Variants in SPTB observed in about 807,000 individuals in gnomAD.
SPTB encodes the protein spectrin beta chain, erythrocytic.
In SPTB, 45 loss-of-function variants were observed where a neutral mutation model predicts 256.2. The ratio of observed to expected loss-of-function variants is 0.18; its 90% confidence interval spans 0.14 to 0.23. SPTB has a LOEUF of 0.23. Among genes scored for constraint, SPTB ranks in the 10% least tolerant of loss-of-function variants. The pLI is 1.00. For synonymous variants in SPTB, 1,231 were observed against 1,243.1 expected, an observed-to-expected ratio of 0.99 and a Z score of 0.21; for missense variants, 2,715 against 3,040.4, an observed-to-expected ratio of 0.89 and a Z score of 2.52.
Position 64,797,759 on chromosome 14 carries a change from G to C in SPTB, c.1152C>G (p.His384Gln), listed in dbSNP as rs762308704. 6.2e-7 allele frequency: 1 copy of C among 1,613,880 alleles called. No individual in the cohort carries two copies. Among genetic ancestry groups the C allele is most frequent in the South Asian group, 1.1e-5 (1 of 91,074 alleles). ...RANNQKVYTP[H>Q]DGKLVSDINR... Reference sequence around the variant, plus strand: ...TGATGTCAGACACTAGTTTCCCATCGTGGGGTGTGTACACTTTCTGATTGT... The same window carrying C: ...TGATGTCAGACACTAGTTTCCCATCCTGGGGTGTGTACACTTTCTGATTGT... The change falls in exon 10 of 36, where the codon CAC becomes CAG. Residue 384 changes from histidine (H) to glutamine (Q), a missense_variant. Physicochemically the swap from His to Gln is conservative, Grantham distance 24. Around this residue, in one of 4 missense-constraint regions of SPTB, gnomAD observed 416 missense variants for 571.1 expected, o/e 0.73. Coordinates refer to ENST00000644917, the MANE Select transcript of SPTB (RefSeq NM_001355436.2).
intron 1 of SPTB, among the ~76,000 whole-genome samples, chr14:64,828,250 T>C (rs2083403011): frequency 6.7e-6 from 1 of 149,440 alleles, no homozygotes; most frequent in South Asian, 2.1e-4. Flanking sequence ...ACTCTCATCA[T>C]GGAAAAATCT....
At chr14:64,838,085 G>A (rs148387536) in intron 1 of SPTB, among the ~76,000 whole-genome samples, 237 of 152,238 alleles carry the variant, frequency 1.6e-3, no homozygotes, top group East Asian at 0.014. Flanking sequence ...ATATATCAAC[G>A]GAATAGAGTC....
At chr14:64,752,588 G>A (rs1190469979) in intron 33 of SPTB, among the ~76,000 whole-genome samples, 1 of 152,190 alleles carries the variant, frequency 6.6e-6, no homozygotes, top group East Asian at 1.9e-4. Flanking sequence ...AATGTCACAG[G>A]ATTGTTGGGA....
chr14:64,794,737 C>T, intron 12 of SPTB, 120 bp from the exon 13 acceptor site: 1 of 1,318,632 alleles, frequency 7.6e-7, no homozygotes, highest in African/African-American at 1.4e-5. Flanking sequence ...CCAAATGCAG[C>T]CAGAAAAGGG....
At position 64,831,257 on chromosome 14, in the gene SPTB, G is replaced by A. The variant is rs149470578; in HGVS notation, c.-51-8112C>T. The stretch of plus-strand genomic sequence containing the variant: ...CTGCTGCCCATTCCTCAAATCCTGG[G>A]AGAAACATGAATCTCTAGCTTTTTC... On this transcript the variant is annotated intron_variant, in intron 1 of 35. Coordinates refer to ENST00000644917, the MANE Select transcript of SPTB (RefSeq NM_001355436.2). Among the ~76,000 whole-genome samples the A allele has an allele frequency of 6.6e-5, 10 of 152,260 alleles. No homozygotes were observed. In the East Asian group the frequency reaches 1.9e-3, roughly 29 times the overall value.
Position 64,803,372 on chromosome 14 carries a change from A to G in SPTB, c.474+235T>C, listed in dbSNP as rs560550778. The stretch of plus-strand genomic sequence containing the variant: ...TCAACCCAGCTACCAATTAATTTCT[A>G]TCTTCTCCCTGAAAAGACCATACTA... On this transcript the variant is annotated intron_variant, in intron 4 of 35. Coordinates refer to ENST00000644917, the MANE Select transcript of SPTB (RefSeq NM_001355436.2). 2.0e-5 allele frequency among the ~76,000 whole-genome samples: 3 copies of G among 152,318 alleles called. No homozygotes were observed. In the East Asian group the frequency reaches 5.8e-4, roughly 29 times the overall value.
In SPTB at chr14:64,773,345, T is replaced by C. The variant is rs1489168804; in HGVS notation, c.5053A>G (p.Lys1685Glu). 1.2e-6 allele frequency: 2 copies of C among 1,614,118 alleles called. No individual in the cohort carries two copies. Among genetic ancestry groups the C allele is most frequent in the Non-Finnish European group, 1.7e-6 (2 of 1,180,018 alleles). Residue 1685 changes from lysine to glutamate, a missense_variant, in exon 25 of 36, where the codon AAG becomes GAG. Lys to Glu is a moderately conservative substitution (Grantham distance 56, BLOSUM62 1). Around this residue, in one of 4 missense-constraint regions of SPTB, gnomAD observed 2,239 missense variants for 2,384.4 expected, o/e 0.94. Transcript: ENST00000644917. ...AACAGGTGGTACATGTTCTCCAGCT[T>C]GCGCTTGCGCTCTTCCGCCACGTCC... ...LKDVAEERKR[K>E]LENMYHLFQL...
chr14:64,796,234 G>A lies in SPTB; in HGVS notation c.1341+323C>T, dbSNP rs1233688433. ...AAGGCATGCCTGACACAGACAAGGT[G>A]CAGTCTGTGATTTTACCATATCCCC... On this transcript the variant is annotated intron_variant, in intron 11 of 35. Transcript: ENST00000644917. This position sits in a 1 kb window ranked among gnomAD's most constrained non-coding sequence, Gnocchi z 4.1. Among the ~76,000 whole-genome samples, 1 of 152,142 alleles carries A rather than the reference G, an allele frequency of 6.6e-6. No homozygotes were observed. Among genetic ancestry groups the A allele is most frequent in the Non-Finnish European group, 1.5e-5 (1 of 68,034 alleles).
rs1352966304 is a variant in SPTB at position 64,852,705 on chromosome 14, C to T, written c.-52+27087G>A. On this transcript the variant is annotated intron_variant, in intron 1 of 35. Coordinates refer to ENST00000644917, the MANE Select transcript of SPTB (RefSeq NM_001355436.2). The surrounding 1 kb of genome is among the most constrained non-coding windows in gnomAD (Gnocchi z 4.2). ...ATGATTTCTCAAGTGGATGATGGTC[C>T]TATCAACCAAGGTAGTGATTACAAG... Among the ~76,000 whole-genome samples, 2 of 152,126 alleles carry T rather than the reference C, an allele frequency of 1.3e-5. No homozygotes were observed. Among genetic ancestry groups the T allele is most frequent in the Non-Finnish European group, 2.9e-5 (2 of 68,030 alleles).
intron 2 of SPTB, among the ~76,000 whole-genome samples, chr14:64,821,483 G>A (rs1594813329): frequency 1.3e-5 from 2 of 152,250 alleles, no homozygotes; most frequent in South Asian, 2.1e-4. Context: ...CAAATCTTAC[G>A]GAATATGGTA....
Position 64,793,014 on chromosome 14 carries a change from C to T in SPTB, c.2649G>A (p.Leu883=). 1 of 1,613,976 alleles carries T rather than the reference C, an allele frequency of 6.2e-7. No individual in the cohort carries two copies. Among genetic ancestry groups the T allele is most frequent in the Non-Finnish European group, 8.5e-7 (1 of 1,180,026 alleles). ...EMEMPDTLED[L]EVVQHRFDIL... is the part of the protein sequence containing the mutation. ...ACTCTGACCTGTGCTGCACGACCTC[C>T]AGGTCCTCCAGGGTGTCTGGCATTT... Residue 883 remains leucine (L), a synonymous_variant, in exon 14 of 36, where the codon CTG becomes CTA. Coordinates refer to ENST00000644917, the MANE Select transcript of SPTB (RefSeq NM_001355436.2). The surrounding 1 kb of genome is among the most constrained non-coding windows in gnomAD (Gnocchi z 7.0).
chr14:64,874,784 T>G (rs1278137071), intron 1 of SPTB, among the ~76,000 whole-genome samples: 3 of 152,268 alleles, frequency 2.0e-5, no homozygotes, highest in Admixed American at 6.5e-5. Flanking sequence ...AAGTATTCAT[T>G]TTCGGAATTA....
rs1323494613 is a variant in SPTB, at chr14:64,844,184, A to C, written c.-51-21039T>G. On this transcript the variant is annotated intron_variant, in intron 1 of 35. Coordinates refer to ENST00000644917, the MANE Select transcript of SPTB (RefSeq NM_001355436.2). The surrounding 1 kb of genome is among the most constrained non-coding windows in gnomAD (Gnocchi z 4.1). The stretch of plus-strand genomic sequence containing the variant: ...ATGATCTCCAAGAGTGCTTAGCAGG[A>C]GTCATGGAGAAAAAAAAAATGAGAG... 1.3e-5 allele frequency among the ~76,000 whole-genome samples: 2 copies of C among 152,036 alleles called. No individual in the cohort carries two copies. Among genetic ancestry groups the C allele is most frequent in the Non-Finnish European group, 2.9e-5 (2 of 68,006 alleles).
chr14:64,801,357 G>T lies in SPTB; in HGVS notation c.691C>A (p.Arg231=), dbSNP rs138253722. 6.2e-7 allele frequency: 1 copy of T among 1,614,054 alleles called. No individual in the cohort carries two copies. Among genetic ancestry groups the T allele is most frequent in the South Asian group, 1.1e-5 (1 of 91,084 alleles). ...TTGAATGCGTGCTCCAGGTTGTGCC[G>T]GGCATTGGAGTCCTTCAGCTTATCA... is the stretch of plus-strand genomic sequence containing the variant. ...DFDKLKDSNA[R]HNLEHAFNVA... The change falls in exon 7 of 36, where the codon CGG becomes AGG. Residue 231 remains arginine (R), a synonymous_variant. Transcript: ENST00000644917.
Position 64,785,359 on chromosome 14 carries a change from A to C in SPTB, c.3855+178T>G, listed in dbSNP as rs1566756756. Among the ~76,000 whole-genome samples, 2 of 152,078 alleles carry C rather than the reference A, an allele frequency of 1.3e-5. No individual in the cohort carries two copies. The highest frequency in any genetic ancestry group is 2.9e-5 in the Non-Finnish European group (2 of 68,002). Reference sequence around the variant, plus strand: ...GATGACTTTTCAGATTTGAAAAAAAAAAAACAGTGCAACTGAAGATTCCAG... The same window carrying C: ...GATGACTTTTCAGATTTGAAAAAAACAAAACAGTGCAACTGAAGATTCCAG... On this transcript the variant is annotated intron_variant, in intron 18 of 35. Coordinates refer to ENST00000644917, the MANE Select transcript of SPTB (RefSeq NM_001355436.2). This position sits in a 1 kb window ranked among gnomAD's most constrained non-coding sequence, Gnocchi z 4.4.
rs763203426 is a variant in SPTB at position 64,749,493 on chromosome 14, G to A, written c.6820-20C>T. 3.1e-5 allele frequency: 49 copies of A among 1,597,958 alleles called. No individual in the cohort carries two copies. In the Admixed American group the frequency reaches 5.9e-4, roughly 19 times the overall value. ...CTCCTCCTGCGGGGCGGAGGGTCAC[G>A]GTGGAGTCTGGAGGCCCACAGCCCC... On this transcript the variant is annotated intron_variant, in intron 35 of 35. Coordinates refer to ENST00000644917, the MANE Select transcript of SPTB (RefSeq NM_001355436.2). This position sits in a 1 kb window ranked among gnomAD's most constrained non-coding sequence, Gnocchi z 4.7.
rs1427578525 is a variant in SPTB, at chr14:64,775,266, G to C, written c.4701C>G (p.Asp1567Glu). 5 of 1,613,500 alleles carry C rather than the reference G, an allele frequency of 3.1e-6. No individual in the cohort carries two copies. The highest frequency in any genetic ancestry group is 2.2e-5 in the South Asian group (2 of 91,084). The change falls in exon 23 of 36, where the codon GAC (aspartate) becomes GAG (glutamate). Residue 1567 changes from aspartate to glutamate, a missense_variant. Physicochemically the swap from Asp to Glu is conservative, Grantham distance 45 (BLOSUM62 2). This residue lies in a region of SPTB where 2,239 missense variants were observed against 2,384.4 expected (regional missense o/e 0.94). Coordinates refer to ENST00000644917, the MANE Select transcript of SPTB (RefSeq NM_001355436.2). This position sits in a 1 kb window ranked among gnomAD's most constrained non-coding sequence, Gnocchi z 5.0. ...TCCCGGCCGCTGCCTCCCGCAGCCTGTCCCAGGAGCTCTGCAGGTGCCCCA... is the reference window on the plus strand; with the variant it reads ...TCCCGGCCGCTGCCTCCCGCAGCCTCTCCCAGGAGCTCTGCAGGTGCCCCA... ...ERLGHLQSSW[D>E]RLREAAAGRL... is the part of the protein sequence containing the mutation.
intron 32 of SPTB, among the ~76,000 whole-genome samples, chr14:64,766,158 TTG>T (rs1234192764): frequency 1.4e-5 from 2 of 142,090 alleles, no homozygotes; most frequent in Non-Finnish European, 3.1e-5. Flanking sequence ...TGTGGTGTGT[TTG>T]TGTGTATGTG....
At chr14:64,810,012 T>C (rs181249624) in intron 2 of SPTB, among the ~76,000 whole-genome samples, 36 of 152,274 alleles carry the variant, frequency 2.4e-4, no homozygotes, top group Admixed American at 2.2e-3. Context: ...AGACAAATGA[T>C]TAAAAACTTC....
Sources: allele counts gnomAD v4.1 joint callset (sites outside exome capture counted in the v4.1 genomes callset), GRCh38; gene constraint gnomAD v4.1.1; regional missense constraint gnomAD v4.1.1; non-coding constraint Gnocchi (gnomAD v3.1); transcripts MANE v1.5; gene names NCBI Gene and HGNC (gene_info 2026-07-23, HGNC 2026-07-21).